SACM1L: variants seen among roughly 807,000 people sequenced by gnomAD.
SACM1L encodes the protein phosphatidylinositol-3-phosphatase SAC1.
A neutral mutation model predicts 89.5 loss-of-function variants in SACM1L; 32 were observed. That is an observed-to-expected ratio of 0.36 (90% confidence interval 0.27 to 0.48). The LOEUF is 0.48. SACM1L is among the 20% of genes least tolerant of loss of function. The probability of loss-of-function intolerance (pLI) is 0.99; values close to 1 mark genes in which losing one functional copy is unlikely to be tolerated. For synonymous variants in SACM1L, 213 were observed against 232.8 expected (o/e 0.92, Z 0.77); for missense variants, 543 against 708.5 (o/e 0.77, Z 2.65).
Position 45,745,316 on chromosome 3 carries a change from A to C in SACM1L, c.*1647A>C, listed in dbSNP as rs931406516. On this transcript the variant is annotated 3_prime_UTR_variant, in exon 20 of 20. Transcript: ENST00000389061. The stretch of plus-strand genomic sequence containing the variant: ...ACTAATATCAGTGTGTTAGATCTTA[A>C]GGTATCAGTATTTCAGAATCCTGCG... 3 of 152,668 alleles carry C rather than the reference A, an allele frequency of 2.0e-5. No individual in the cohort carries two copies. The highest frequency in any genetic ancestry group is 2.0e-4 in the Admixed American group (3 of 15,288). The allele number at this position is 152,668 out of a possible 1,614,324, so 9.5% of individuals were successfully genotyped here. A position where few individuals can be genotyped will look rare whatever the true frequency, so the allele number is the denominator to read the frequency against.
At chr3:45,722,377 G>A (rs1698808454) in intron 9 of SACM1L, among the ~76,000 whole-genome samples, 1 of 151,958 alleles carries the variant, frequency 6.6e-6, no homozygotes, top group Non-Finnish European at 1.5e-5. Context: ...ATGTATTAAG[G>A]GCAGTGATGA....
At chr3:45,729,619 G>A (rs1408524695) in intron 11 of SACM1L, among the ~76,000 whole-genome samples, 1 of 152,164 alleles carries the variant, frequency 6.6e-6, no homozygotes, top group Non-Finnish European at 1.5e-5. Flanking sequence ...TAAAATATAT[G>A]ATCCCACTGT....
chr3:45,701,480 A>G (rs955305394), intron 1 of SACM1L, among the ~76,000 whole-genome samples: 1 of 152,198 alleles, frequency 6.6e-6, no homozygotes, highest in Non-Finnish European at 1.5e-5. Flanking sequence ...TTGTGCTTCC[A>G]TAAAACATCT....
chr3:45,737,885 C>T (rs577065569), intron 16 of SACM1L, 41 bp downstream of exon 16: 2 of 1,524,678 alleles, frequency 1.3e-6, no homozygotes, highest in Admixed American at 1.7e-5. Context: ...ATCAGTAGTT[C>T]ACAGTCCTGG....
chr3:45,696,743 T>G (rs1035486550), intron 1 of SACM1L, among the ~76,000 whole-genome samples: 2 of 152,148 alleles, frequency 1.3e-5, no homozygotes, highest in Non-Finnish European at 2.9e-5. Context: ...ACTCATTGAT[T>G]TGACAGGATT....
intron 19 of SACM1L, among the ~76,000 whole-genome samples, chr3:45,740,257 A>G (rs966131489): frequency 1.2e-4 from 19 of 152,222 alleles, no homozygotes; most frequent in African/African-American, 4.3e-4. Context: ...TAAAGAAGTC[A>G]GATCTGCATT....
chr3:45,690,077 G>A (rs976098515), intron 1 of SACM1L: 1 of 152,532 alleles, frequency 6.6e-6, no homozygotes, highest in African/African-American at 2.4e-5. Context: ...GCCTAAAGCA[G>A]GTTCTTAAGT....
rs564886403 is a variant in SACM1L at position 45,707,033 on chromosome 3, T to G, written c.333+126T>G. The G allele has an allele frequency of 1.6e-4, 123 of 775,878 alleles. No individual in the cohort carries two copies. The African/African-American group carries it at 1.7e-3, about 11-fold the overall frequency. 48.1% of individuals were successfully genotyped at this position (775,878 alleles called of 1,614,324 possible). A position where few individuals can be genotyped will look rare whatever the true frequency, so the allele number is the denominator to read the frequency against. On this transcript the variant is annotated intron_variant, in intron 4 of 19. Coordinates refer to ENST00000389061, the MANE Select transcript of SACM1L (RefSeq NM_014016.5). The stretch of plus-strand genomic sequence containing the variant: ...TATTTTAACAACCTATAGAGTAAGA[T>G]CACTCTACCTACTTTTCTACCTAGG...
At chr3:45,694,454 G>GA (rs1412704976) in intron 1 of SACM1L, among the ~76,000 whole-genome samples, 4 of 152,312 alleles carry the variant, frequency 2.6e-5, no homozygotes, top group Admixed American at 2.0e-4. Flanking sequence ...CCGGTGGAGG[G>GA]AAGGGTGTAG....
chr3:45,697,268 C>CTTTTTTTTTTTTTTTTTTTT (rs1559535250), intron 1 of SACM1L, among the ~76,000 whole-genome samples: 2 of 110,610 alleles, frequency 1.8e-5, no homozygotes, highest in Non-Finnish European at 3.6e-5. Context: ...CTTTTCTTTT[C>CTTTTTTTTTTTTTTTTTTTT]CTTTTTTTTT....
At chr3:45,689,648 C>T (rs1456437023) in intron 1 of SACM1L, 151 bp downstream of exon 1, 3 of 916,780 alleles carry the variant, frequency 3.3e-6, no homozygotes, top group Non-Finnish European at 5.0e-6. Context: ...GCGGCCTCTC[C>T]TAGGCCTCGC....
chr3:45,690,642 T>A (rs1290664434), intron 1 of SACM1L, among the ~76,000 whole-genome samples: 2 of 152,220 alleles, frequency 1.3e-5, no homozygotes. Flanking sequence ...TGATTGCTTT[T>A]TCTACAGTGC....
Position 45,743,800 on chromosome 3 carries a change from A to G in SACM1L, c.*131A>G, listed in dbSNP as rs1341061758. The G allele has an allele frequency of 7.2e-6, 6 of 838,876 alleles. No homozygotes were observed. Among genetic ancestry groups the G allele is most frequent in the Non-Finnish European group, 1.1e-5 (6 of 556,560 alleles). 52.0% of individuals were successfully genotyped at this position (838,876 alleles called of 1,614,324 possible). A position where few individuals can be genotyped will look rare whatever the true frequency, so the allele number is the denominator to read the frequency against. On this transcript the variant is annotated 3_prime_UTR_variant, in exon 20 of 20. Transcript: ENST00000389061. ...TATCCAAAAGCACATCTTGTGCTCC[A>G]TGCAGGATGATGACAGAATTGATCT...
chr3:45,726,900 A>T lies in SACM1L; in HGVS notation c.921+3357A>T, dbSNP rs1397280081. Among the ~76,000 whole-genome samples the T allele has an allele frequency of 4.1e-5, 2 of 49,024 alleles. 1 individual carries two copies. Among genetic ancestry groups the T allele is most frequent in the Non-Finnish European group, 7.7e-5 (2 of 25,836 alleles). 32.2% of individuals were successfully genotyped at this position (49,024 alleles called of 152,430 possible). ...TTTTTTTTTTTTTTTTTTTTTTGAG[A>T]CGGAGTCTCGCTCTGTCACCCAGGC... On this transcript the variant is annotated intron_variant, in intron 11 of 19. Coordinates refer to ENST00000389061, the MANE Select transcript of SACM1L (RefSeq NM_014016.5).
intron 11 of SACM1L, among the ~76,000 whole-genome samples, chr3:45,723,913 C>T (rs1698846888): frequency 6.6e-6 from 1 of 151,736 alleles, no homozygotes; most frequent in African/African-American, 2.4e-5. Context: ...TTTTTTAAGA[C>T]TGAGGAATAT....
chr3:45,697,706 G>T (rs964157016), intron 1 of SACM1L, among the ~76,000 whole-genome samples: 1 of 152,170 alleles, frequency 6.6e-6, no homozygotes, highest in Non-Finnish European at 1.5e-5. Context: ...TCCATAGTAT[G>T]TGTCTTATTA....
At chr3:45,689,582 C>A in intron 1 of SACM1L, 85 bp downstream of exon 1, 7 of 1,448,602 alleles carry the variant, frequency 4.8e-6, no homozygotes, top group Non-Finnish European at 6.6e-6. Flanking sequence ...TTCTGAGTCC[C>A]GGATTGCAGA....
chr3:45,707,682 A>T (rs1273906474), intron 4 of SACM1L, among the ~76,000 whole-genome samples: 1 of 152,228 alleles, frequency 6.6e-6, no homozygotes, highest in Non-Finnish European at 1.5e-5. Flanking sequence ...AAGGGATGAC[A>T]GTATCCCAGA....
chr3:45,721,193 A>G (rs1698779496), intron 8 of SACM1L, among the ~76,000 whole-genome samples: 1 of 152,246 alleles, frequency 6.6e-6, no homozygotes, highest in Non-Finnish European at 1.5e-5. Flanking sequence ...CATCTGCTGG[A>G]GACCATTTGC....
Sources: allele counts gnomAD v4.1 joint callset (sites outside exome capture counted in the v4.1 genomes callset), GRCh38; gene constraint gnomAD v4.1.1; transcripts MANE v1.5; gene names NCBI Gene and HGNC (gene_info 2026-07-23, HGNC 2026-07-21).